COL6A5: variants seen among roughly 807,000 people sequenced by gnomAD.
COL6A5 encodes collagen type VI alpha 5 chain, also known as collagen alpha-5(VI) chain.
In COL6A5, 48 loss-of-function variants were observed where a neutral mutation model predicts 65.6. That is an observed-to-expected ratio of 0.73 (90% CI 0.58 to 0.93). The LOEUF is 0.93. COL6A5 is among the 40% of genes least tolerant of loss of function. The probability of loss-of-function intolerance (pLI) is 0.00; values close to 1 mark genes in which losing one functional copy is unlikely to be tolerated. For missense variants in COL6A5, 914 were observed against 928.3 expected (o/e 0.98, Z 0.20); for synonymous variants, 291 against 322.8 (o/e 0.90, Z 1.05).
At chr3:130,467,866 G>T (rs535585136) in intron 5 of COL6A5, among the ~76,000 whole-genome samples, 64 of 152,066 alleles carry the variant, frequency 4.2e-4, no homozygotes, top group African/African-American at 1.4e-3. Context: ...GCTTGATTAG[G>T]TTCACAAATT....
chr3:130,463,026 G>A (rs1455879975), intron 5 of COL6A5, among the ~76,000 whole-genome samples: 1 of 152,058 alleles, frequency 6.6e-6, no homozygotes, highest in East Asian at 1.9e-4. Flanking sequence ...CTGTAAAATG[G>A]AAATGATGAT....
At chr3:130,419,561 C>T (rs1937464973) in intron 25 of COL6A5, among the ~76,000 whole-genome samples, 1 of 152,062 alleles carries the variant, frequency 6.6e-6, no homozygotes, top group Admixed American at 6.6e-5. Context: ...AGTATGTATG[C>T]ATAATGGAAT....
chr3:130,372,445 A>G (rs1935602560), intron 1 of COL6A5, among the ~76,000 whole-genome samples: 1 of 151,108 alleles, frequency 6.6e-6, no homozygotes, highest in South Asian at 2.1e-4. Flanking sequence ...GTTTTAAATT[A>G]TATATATATA....
At chr3:130,405,461 G>A in intron 13 of COL6A5, 127 bp from the exon 14 acceptor site, 1 of 597,326 alleles carries the variant, frequency 1.7e-6, no homozygotes, top group South Asian at 2.4e-5. Flanking sequence ...AATCCTTTTT[G>A]AAGAGGATTC....
exon 6 of COL6A5, chr3:130,388,599 C>T (rs138213174): frequency 0.02 from 30,533 of 1,543,478 alleles, 389 homozygotes; most frequent in Non-Finnish European, 0.022. Flanking sequence ...ACATGAAGGC[C>T]GACATCATGT....
intron 27 of COL6A5, 73 bp from the exon 28 acceptor site, chr3:130,422,647 C>A: frequency 1.1e-6 from 1 of 943,018 alleles, no homozygotes; most frequent in Middle Eastern, 2.2e-4. Flanking sequence ...AAGTTTGAGT[C>A]CAGAGAGTTT....
chr3:130,369,106 T>A (rs1935458995), intron 1 of COL6A5, among the ~76,000 whole-genome samples: 1 of 152,128 alleles, frequency 6.6e-6, no homozygotes, highest in Non-Finnish European at 1.5e-5. Context: ...GAGTGAGGGA[T>A]GCTTAACCAG....
intron 1 of COL6A5, among the ~76,000 whole-genome samples, chr3:130,357,356 C>T (rs543206301): frequency 3.3e-5 from 5 of 152,142 alleles, no homozygotes; most frequent in East Asian, 1.9e-4. Context: ...TTGGCCTTGT[C>T]GGTATATGGG....
chr3:130,411,669 T>A (rs1049537794), intron 20 of COL6A5, among the ~76,000 whole-genome samples: 3 of 152,164 alleles, frequency 2.0e-5, no homozygotes, highest in African/African-American at 7.2e-5. Context: ...AAGATAAGTG[T>A]GTATTTTTGT....
chr3:130,413,182 C>G (rs1476062702), intron 20 of COL6A5, among the ~76,000 whole-genome samples: 1 of 147,422 alleles, frequency 6.8e-6, no homozygotes, highest in Non-Finnish European at 1.5e-5. Context: ...CAGCTCTTCT[C>G]CCATGGGAAG....
chr3:130,416,864 A>G, intron 24 of COL6A5, 45 bp downstream of exon 24: 1 of 969,630 alleles, frequency 1.0e-6, no homozygotes, highest in Non-Finnish European at 1.5e-6. Flanking sequence ...AACATATTTT[A>G]TATTTAATGG....
At chr3:130,410,071 A>G in exon 19 of COL6A5, 1 of 1,546,446 alleles carries the variant, frequency 6.5e-7, no homozygotes, top group South Asian at 1.2e-5. Context: ...AACAAGGAAG[A>G]CAAGTAATTT....
At chr3:130,392,383 G>A (rs1936433917) in intron 7 of COL6A5, among the ~76,000 whole-genome samples, 1 of 152,164 alleles carries the variant, frequency 6.6e-6, no homozygotes, top group African/African-American at 2.4e-5. Context: ...ATTGGGGTTG[G>A]TAGGCTGGAG....
At chr3:130,375,325 A>G (rs1222959825) in intron 2 of COL6A5, among the ~76,000 whole-genome samples, 2 of 152,176 alleles carry the variant, frequency 1.3e-5, no homozygotes, top group Admixed American at 6.5e-5. Flanking sequence ...CTAATAGGGT[A>G]GCACAAAAAA....
At chr3:130,420,253 A>G (rs1436101834) in intron 25 of COL6A5, among the ~76,000 whole-genome samples, 1 of 152,038 alleles carries the variant, frequency 6.6e-6, no homozygotes, top group Admixed American at 6.6e-5. Context: ...ATTACTTATA[A>G]TCCACCATTT....
intron 23 of COL6A5, among the ~76,000 whole-genome samples, chr3:130,416,377 C>A (rs1239936931): frequency 2.0e-5 from 3 of 152,110 alleles, no homozygotes; most frequent in Non-Finnish European, 4.4e-5. Flanking sequence ...ATCCTGCATG[C>A]CGTTATGTAT....
intron 20 of COL6A5, among the ~76,000 whole-genome samples, chr3:130,412,850 C>T (rs886219384): frequency 6.6e-6 from 1 of 152,132 alleles, no homozygotes; most frequent in African/African-American, 2.4e-5. Flanking sequence ...TGAAAGAAAA[C>T]AGCAGTTCCA....
At chr3:130,484,461 A>C (rs1710324755) in exon 8 of COL6A5, 1 of 402,178 alleles carries the variant, frequency 2.5e-6, no homozygotes, top group South Asian at 1.2e-4. Context: ...TCCTAGGAAT[A>C]TCTTCTACTA....
chr3:130,408,106 C>A (rs775725740), intron 17 of COL6A5, among the ~76,000 whole-genome samples: 1 of 152,090 alleles, frequency 6.6e-6, no homozygotes, highest in African/African-American at 2.4e-5. Context: ...AGGATAACAG[C>A]GATTTTCAGG....
Sources: allele counts gnomAD v4.1 joint callset (sites outside exome capture counted in the v4.1 genomes callset), GRCh38; gene constraint gnomAD v4.1.1; transcripts MANE v1.5; gene names NCBI Gene and HGNC (gene_info 2026-07-23, HGNC 2026-07-21).